Variants in EVI5 observed in about 807,000 individuals in gnomAD.
EVI5 encodes ecotropic viral integration site 5 protein homolog.
A neutral mutation model predicts 112.0 loss-of-function variants in EVI5; 73 were observed. That is an observed-to-expected ratio of 0.65 (90% CI 0.54 to 0.79). The LOEUF (loss-of-function observed/expected upper bound fraction) is 0.79. Ranked by LOEUF, EVI5 falls within the 30% of genes least tolerant of loss-of-function variation. The pLI, the probability that EVI5 is intolerant of heterozygous loss-of-function variation, is 0.00. For missense variants in EVI5, 900 were observed against 968.8 expected (o/e 0.93, Z 0.94); for synonymous variants, 305 against 319.9 (o/e 0.95, Z 0.50).
intron 1 of EVI5, chr1:92,757,028 C>T (rs74607587): frequency 0.024 from 4,736 of 198,438 alleles, 204 homozygotes; most frequent in African/African-American, 0.09. Context: ...TTTTTGTAAA[C>T]TTCCATTCAA....
chr1:92,782,059 G>C (rs1465995721), intron 1 of EVI5, among the ~76,000 whole-genome samples: 5 of 146,838 alleles, frequency 3.4e-5, no homozygotes, highest in African/African-American at 1.3e-4. Flanking sequence ...AAGAAATCAA[G>C]ACCACCCTGG....
chr1:92,563,386 A>G (rs554050292), intron 19 of EVI5, among the ~76,000 whole-genome samples: 4 of 152,322 alleles, frequency 2.6e-5, no homozygotes, highest in Admixed American at 6.5e-5. Context: ...CACAATAAAA[A>G]AATAAAATAT....
intron 16 of EVI5, among the ~76,000 whole-genome samples, chr1:92,623,585 G>A (rs1349457371): frequency 6.6e-6 from 1 of 152,174 alleles, no homozygotes; most frequent in East Asian, 1.9e-4. Flanking sequence ...GAAGAAAGAA[G>A]GGCAATTTTG....
intron 18 of EVI5, among the ~76,000 whole-genome samples, chr1:92,590,189 A>T (rs896688931): frequency 6.6e-6 from 1 of 152,222 alleles, no homozygotes; most frequent in African/African-American, 2.4e-5. Context: ...AAAACTGAAA[A>T]TTCTAAAAAG....
intron 10 of EVI5, among the ~76,000 whole-genome samples, chr1:92,668,895 T>G (rs2102242197): frequency 6.6e-6 from 1 of 152,336 alleles, no homozygotes; most frequent in South Asian, 2.1e-4. Flanking sequence ...CTTACATTTG[T>G]TTATTGTTCC....
At chr1:92,723,345 T>G (rs986315166) in intron 2 of EVI5, among the ~76,000 whole-genome samples, 2 of 152,200 alleles carry the variant, frequency 1.3e-5, no homozygotes, top group African/African-American at 4.8e-5. Context: ...TTGCGGGAAG[T>G]CAGGGACCCT....
chr1:92,636,439 A>G, intron 13 of EVI5, 103 bp from the exon 14 acceptor site: 1 of 900,388 alleles, frequency 1.1e-6, no homozygotes, highest in Non-Finnish European at 1.7e-6. Context: ...ATTAAGGGCA[A>G]CTAAATAGGA....
At chr1:92,737,467 G>A (rs907905800) in intron 1 of EVI5, among the ~76,000 whole-genome samples, 1 of 152,064 alleles carries the variant, frequency 6.6e-6, no homozygotes, top group Non-Finnish European at 1.5e-5. Flanking sequence ...AAGATTCAAC[G>A]AATTATACAT....
chr1:92,531,987 G>T (rs1341553690), intron 19 of EVI5, among the ~76,000 whole-genome samples: 1 of 152,144 alleles, frequency 6.6e-6, no homozygotes, highest in African/African-American at 2.4e-5. Flanking sequence ...AAAAGACACA[G>T]ACTGGCGAAC....
At chr1:92,760,093 A>G (rs544625277) in intron 1 of EVI5, among the ~76,000 whole-genome samples, 1 of 152,330 alleles carries the variant, frequency 6.6e-6, no homozygotes, top group Non-Finnish European at 1.5e-5. Context: ...GTGATTTTTA[A>G]TATTATTTAT....
chr1:92,614,438 A>G (rs1652573709), intron 16 of EVI5, among the ~76,000 whole-genome samples: 1 of 152,208 alleles, frequency 6.6e-6, no homozygotes, highest in Non-Finnish European at 1.5e-5. Flanking sequence ...TGAAGGATAT[A>G]AAGTATTGAT....
chr1:92,776,199 T>G (rs988615659), intron 1 of EVI5, among the ~76,000 whole-genome samples: 2 of 151,990 alleles, frequency 1.3e-5, no homozygotes, highest in African/African-American at 4.8e-5. Flanking sequence ...AAAATCTATC[T>G]ACTATCTAGA....
chr1:92,533,428 C>A (rs969104584), intron 19 of EVI5, among the ~76,000 whole-genome samples: 10 of 151,600 alleles, frequency 6.6e-5, no homozygotes, highest in African/African-American at 2.4e-4. Flanking sequence ...TCCTCCTTAA[C>A]TCATGAGGCC....
intron 18 of EVI5, among the ~76,000 whole-genome samples, chr1:92,583,355 C>T (rs1196989103): frequency 1.3e-5 from 2 of 151,244 alleles, no homozygotes; most frequent in African/African-American, 4.9e-5. Context: ...ACTAAAAATA[C>T]AAAAAATTAG....
chr1:92,628,668 C>T (rs1656221448), intron 14 of EVI5, among the ~76,000 whole-genome samples: 1 of 152,042 alleles, frequency 6.6e-6, no homozygotes, highest in South Asian at 2.1e-4. Context: ...CCAAGAGATC[C>T]AAAATGAGGC....
At chr1:92,690,987 G>T (rs1270704434) in intron 9 of EVI5, among the ~76,000 whole-genome samples, 1 of 152,128 alleles carries the variant, frequency 6.6e-6, no homozygotes, top group Non-Finnish European at 1.5e-5. Flanking sequence ...GAAGTTAAAT[G>T]AGATAACAAG....
rs112851804 is a variant in EVI5, at chr1:92,746,758, A to C, written c.-81-10131T>G. On this transcript the variant is annotated intron_variant, in intron 1 of 19. Transcript: ENST00000684568. ...AAATTAAAAAGAAAATTAGCCAGGCATGGTGGCGTGTGTCTGTGATCCCAG... is the reference window on the plus strand; with the variant it reads ...AAATTAAAAAGAAAATTAGCCAGGCCTGGTGGCGTGTGTCTGTGATCCCAG... Among the ~76,000 whole-genome samples the C allele has an allele frequency of 3.9e-4, 59 of 152,082 alleles. 1 individual carries two copies. The highest frequency in any genetic ancestry group is 1.4e-3 in the African/African-American group (58 of 41,474).
At chr1:92,517,120 T>C (rs1355392765) in intron 19 of EVI5, among the ~76,000 whole-genome samples, 2 of 152,202 alleles carry the variant, frequency 1.3e-5, no homozygotes, top group African/African-American at 4.8e-5. Flanking sequence ...TCTGTATCAG[T>C]GCGACCCACA....
chr1:92,517,271 T>C (rs1660069130), intron 19 of EVI5, among the ~76,000 whole-genome samples: 1 of 152,144 alleles, frequency 6.6e-6, no homozygotes, highest in Admixed American at 6.6e-5. Context: ...TTGGATTAGG[T>C]GCTAAAAGTA....
Sources: gnomAD v4.1 joint callset for allele counts (sites outside exome capture counted in the v4.1 genomes callset) on GRCh38, gnomAD v4.1.1 for gene constraint, MANE v1.5 for transcripts, NCBI Gene and HGNC (gene_info 2026-07-23, HGNC 2026-07-21) for gene names.